Variants in VRK2 observed in about 807,000 individuals in gnomAD.
The protein encoded by VRK2 is VRK serine/threonine kinase 2, also known as serine/threonine-protein kinase VRK2.
VRK2 carries 60 observed loss-of-function variants against 57.6 expected under a neutral mutation model. The ratio of observed to expected loss-of-function variants is 1.04; its 90% CI spans 0.85 to 1.29. The LOEUF is 1.29. VRK2 is among the 50% of genes most tolerant of loss of function. The pLI is 0.00. For missense variants in VRK2, 705 were observed against 588.1 expected (o/e 1.20, Z -2.06); for synonymous variants, 231 against 199.2 (o/e 1.16, Z -1.35).
intron 2 of VRK2, among the ~76,000 whole-genome samples, chr2:58,081,624 G>T (rs1009627684): frequency 6.6e-6 from 1 of 151,664 alleles, no homozygotes; most frequent in Non-Finnish European, 1.5e-5. Context: ...AAACTGTAAG[G>T]TTAATCACTT....
intron 1 of VRK2, among the ~76,000 whole-genome samples, chr2:57,949,214 T>G (rs887038173): frequency 6.6e-6 from 1 of 152,216 alleles, no homozygotes; most frequent in Non-Finnish European, 1.5e-5. Flanking sequence ...AGAAGGGCTC[T>G]GATAATGATT....
At chr2:57,911,575 G>GC (rs1669986959) in intron 1 of VRK2, among the ~76,000 whole-genome samples, 1 of 152,240 alleles carries the variant, frequency 6.6e-6, no homozygotes, top group African/African-American at 2.4e-5. Flanking sequence ...TCTTAAGGTT[G>GC]CCCTGATTCA....
intron 1 of VRK2, among the ~76,000 whole-genome samples, chr2:57,938,305 T>C (rs1670982684): frequency 6.6e-6 from 1 of 152,170 alleles, no homozygotes; most frequent in Admixed American, 6.5e-5. Context: ...TTAACAAATA[T>C]TTACTGAGAT....
chr2:57,936,772 T>A (rs892794699), intron 1 of VRK2, among the ~76,000 whole-genome samples: 1 of 152,210 alleles, frequency 6.6e-6, no homozygotes, highest in African/African-American at 2.4e-5. Context: ...AAATAAATGA[T>A]TGAATTAATG....
chr2:58,129,772 G>A (rs1678906996), intron 8 of VRK2, among the ~76,000 whole-genome samples: 1 of 152,142 alleles, frequency 6.6e-6, no homozygotes, highest in Admixed American at 6.5e-5. Flanking sequence ...TCAGGTAGAG[G>A]TATGTAGTCA....
intron 1 of VRK2, among the ~76,000 whole-genome samples, chr2:57,977,838 G>A (rs1196120422): frequency 1.3e-5 from 2 of 151,154 alleles, no homozygotes; most frequent in Non-Finnish European, 2.9e-5. Flanking sequence ...CGTTCAGTAT[G>A]TTGCTGGCTG....
At chr2:57,913,807 T>TA (rs895732094) in intron 1 of VRK2, among the ~76,000 whole-genome samples, 3 of 152,090 alleles carry the variant, frequency 2.0e-5, no homozygotes, top group African/African-American at 7.2e-5. Context: ...CTGTAGCATT[T>TA]AAAAAAATAC....
chr2:58,086,927 A>T (rs1235818386), intron 5 of VRK2, among the ~76,000 whole-genome samples: 1 of 152,180 alleles, frequency 6.6e-6, no homozygotes, highest in Non-Finnish European at 1.5e-5. Flanking sequence ...AAGGGATATT[A>T]TCGCTTCTGC....
intron 2 of VRK2, among the ~76,000 whole-genome samples, chr2:58,030,023 T>C (rs1384364549): frequency 6.6e-6 from 1 of 152,142 alleles, no homozygotes; most frequent in African/African-American, 2.4e-5. Context: ...CAACTCAGTT[T>C]AGCCTCAGAG....
At chr2:57,925,153 T>C (rs1188138781) in intron 1 of VRK2, among the ~76,000 whole-genome samples, 1 of 152,100 alleles carries the variant, frequency 6.6e-6, no homozygotes, top group Non-Finnish European at 1.5e-5. Context: ...ATCAGAAATA[T>C]TGGCTGGAAG....
chr2:58,043,601 A>AT (rs1447160963), upstream of VRK2, among the ~76,000 whole-genome samples: 1 of 152,102 alleles, frequency 6.6e-6, no homozygotes, highest in Non-Finnish European at 1.5e-5. Flanking sequence ...GTGATAGTTC[A>AT]TTGTATAGTA....
intron 2 of VRK2, among the ~76,000 whole-genome samples, chr2:58,050,027 TG>T (rs1345768034): frequency 6.6e-6 from 1 of 152,170 alleles, no homozygotes; most frequent in African/African-American, 2.4e-5. Flanking sequence ...TGAACTTGCT[TG>T]AAATTGCTTG....
chr2:58,127,395 C>A (rs1313651630), intron 8 of VRK2, among the ~76,000 whole-genome samples: 1 of 152,048 alleles, frequency 6.6e-6, no homozygotes, highest in South Asian at 2.1e-4. Flanking sequence ...TATTGAATGA[C>A]TTTTCCTAAG....
chr2:58,137,224 C>CATGTATCATAT (rs1558687360), intron 10 of VRK2, among the ~76,000 whole-genome samples: 1 of 65,148 alleles, frequency 1.5e-5, no homozygotes, highest in African/African-American at 8.4e-5. Flanking sequence ...ACATATATAT[C>CATGTATCATAT]ATATGATACA....
At chr2:58,159,112 G>T (rs10184957) in intron 12 of VRK2, 66,470 of 352,740 alleles carry the variant, frequency 0.19, 13,462 homozygotes, top group African/African-American at 0.68. Context: ...ATGGCCTACT[G>T]ACGTGGTTTA....
intron 2 of VRK2, among the ~76,000 whole-genome samples, chr2:58,027,343 G>C (rs1181779218): frequency 6.6e-6 from 1 of 152,080 alleles, no homozygotes; most frequent in Non-Finnish European, 1.5e-5. Flanking sequence ...ATTATATCCA[G>C]GGAAAAGGAT....
At chr2:57,986,119 T>C (rs1672585695) in intron 1 of VRK2, among the ~76,000 whole-genome samples, 1 of 152,096 alleles carries the variant, frequency 6.6e-6, no homozygotes, top group Admixed American at 6.6e-5. Context: ...CCTGTGAGTG[T>C]TCTACTTGGG....
chr2:58,082,206 G>C (rs1259167861), intron 2 of VRK2, among the ~76,000 whole-genome samples: 1 of 151,926 alleles, frequency 6.6e-6, no homozygotes, highest in East Asian at 1.9e-4. Context: ...GGAAAATTCA[G>C]ATTATAAAGT....
chr2:58,118,142 G>T (rs886535169), intron 7 of VRK2, among the ~76,000 whole-genome samples: 14 of 152,134 alleles, frequency 9.2e-5, no homozygotes, highest in African/African-American at 2.4e-5. Context: ...AAGGAGAAGG[G>T]GTTGAGGGGT....
Sources: gnomAD v4.1 joint callset for allele counts (sites outside exome capture counted in the v4.1 genomes callset) on GRCh38, gnomAD v4.1.1 for gene constraint, MANE v1.5 for transcripts, NCBI Gene and HGNC (gene_info 2026-07-23, HGNC 2026-07-21) for gene names.